The following DRC1 variants were observed in gnomAD, a reference collection of about 807,000 sequenced individuals.
DRC1 encodes dynein regulatory complex protein 1.
In DRC1, 74 loss-of-function variants were observed where a neutral mutation model predicts 98.7. The ratio of observed to expected loss-of-function variants is 0.75; its 90% CI spans 0.62 to 0.91. The LOEUF (loss-of-function observed/expected upper bound fraction) is 0.91. DRC1 is among the 40% of genes least tolerant of loss of function. The probability of loss-of-function intolerance (pLI) is 0.00; values close to 1 mark genes in which losing one functional copy is unlikely to be tolerated. For missense variants in DRC1, 875 were observed against 886.0 expected (o/e 0.99, Z 0.16); for synonymous variants, 336 against 334.1 (o/e 1.01, Z -0.06).
At chr2:26,432,276 C>T (rs980992120) in intron 7 of DRC1, among the ~76,000 whole-genome samples, 3 of 152,100 alleles carry the variant, frequency 2.0e-5, no homozygotes, top group Non-Finnish European at 2.9e-5. Flanking sequence ...GCATGAGGAT[C>T]GCTTGAGCCC....
chr2:26,423,287 A>T (rs1225737163), intron 3 of DRC1, among the ~76,000 whole-genome samples: 2 of 152,134 alleles, frequency 1.3e-5, no homozygotes, highest in Admixed American at 1.3e-4. Context: ...TTCTTGAAAT[A>T]AAAAAGTCAA....
intron 4 of DRC1, among the ~76,000 whole-genome samples, chr2:26,427,398 G>A (rs1663312880): frequency 6.6e-6 from 1 of 151,940 alleles, no homozygotes; most frequent in Non-Finnish European, 1.5e-5. Flanking sequence ...TTACAGTTGT[G>A]AGCCACCGCA....
chr2:26,414,270 C>A, intron 1 of DRC1, 74 bp from the exon 2 acceptor site: 2 of 1,509,368 alleles, frequency 1.3e-6, no homozygotes, highest in African/African-American at 1.4e-5. Flanking sequence ...AGCTACTGTG[C>A]CAGGCCAAAA....
chr2:26,453,764 A>G (rs1664071203), intron 14 of DRC1, among the ~76,000 whole-genome samples: 1 of 152,214 alleles, frequency 6.6e-6, no homozygotes, highest in South Asian at 2.1e-4. Context: ...TTCACTCATC[A>G]TTCATTCAGC....
At chr2:26,430,998 G>C (rs1663422447) in intron 6 of DRC1, 126 bp downstream of exon 6, 2 of 786,066 alleles carry the variant, frequency 2.5e-6, no homozygotes, top group African/African-American at 4.6e-5. Flanking sequence ...TCTTGCTTCT[G>C]TCACCAGGTT....
Position 26,429,744 on chromosome 2 carries a change from T to C in DRC1, c.657T>C (p.Arg219=). 1 of 1,614,084 alleles carries C rather than the reference T, an allele frequency of 6.2e-7. No individual in the cohort carries two copies. The highest frequency in any genetic ancestry group is 8.5e-7 in the Non-Finnish European group (1 of 1,180,000). ...EQVKNVMKTF[R]EELYNIEKAF... The stretch of plus-strand genomic sequence containing the variant: ...TGAAGAATGTGATGAAAACCTTTCG[T>C]GAGGAGCTCTATAACATTGAGGTAA... Residue 219 remains arginine (R), a synonymous_variant, in exon 5 of 17, where the codon CGT becomes CGC. Coordinates refer to ENST00000288710, the MANE Select transcript of DRC1 (RefSeq NM_145038.5).
At chr2:26,422,024 G>T (rs1280834452) in intron 3 of DRC1, among the ~76,000 whole-genome samples, 1 of 152,220 alleles carries the variant, frequency 6.6e-6, no homozygotes, top group Non-Finnish European at 1.5e-5. Context: ...TAGATAATGT[G>T]TAAAGGGTTG....
intron 1 of DRC1, among the ~76,000 whole-genome samples, chr2:26,403,902 C>T (rs1396241326): frequency 5.3e-5 from 8 of 151,830 alleles, no homozygotes; most frequent in African/African-American, 1.5e-4. Flanking sequence ...GAGTTTGAGA[C>T]CAGCCTGACC....
intron 7 of DRC1, 51 bp from the exon 8 acceptor site, chr2:26,440,319 TTGTGTGTG>T (rs138497746): frequency 2.0e-5 from 25 of 1,267,880 alleles, no homozygotes; most frequent in African/African-American, 1.1e-4. Flanking sequence ...GTTAGTGTGT[TTGTGTGTG>T]TGTGTGTGTG....
intron 5 of DRC1, 80 bp downstream of exon 5, chr2:26,429,845 G>C: frequency 6.8e-7 from 1 of 1,479,690 alleles, no homozygotes; most frequent in Non-Finnish European, 9.2e-7. Context: ...AATAATCTAA[G>C]GAGGGCCCTA....
At position 26,454,216 on chromosome 2, in the gene DRC1, G is replaced by A. The variant is rs1012496159; in HGVS notation, c.1920-431G>A. Among the ~76,000 whole-genome samples, 57 of 152,170 alleles carry A rather than the reference G, an allele frequency of 3.7e-4. No homozygotes were observed. The highest frequency in any genetic ancestry group is 1.2e-3 in the African/African-American group (50 of 41,452). On this transcript the variant is annotated intron_variant, in intron 14 of 16. Coordinates refer to ENST00000288710, the MANE Select transcript of DRC1 (RefSeq NM_145038.5). The surrounding 1 kb of genome is among the most constrained non-coding windows in gnomAD (Gnocchi z 5.2). ...TGCGTTTTAGAGAGATCATTGTGGC[G>A]TCAGGGAAGGGGCGAAGCTGGATAC...
At chr2:26,430,712 T>A (rs1385512548) in intron 5 of DRC1, 74 bp from the exon 6 acceptor site, 1 of 1,498,478 alleles carries the variant, frequency 6.7e-7, no homozygotes, top group African/African-American at 1.4e-5. Context: ...TATAGTTACC[T>A]GAAAGTTCTT....
chr2:26,446,625 CT>C (rs910445963), intron 10 of DRC1, among the ~76,000 whole-genome samples: 5 of 152,168 alleles, frequency 3.3e-5, no homozygotes, highest in Non-Finnish European at 7.3e-5. Flanking sequence ...TGCTCAGTGA[CT>C]TCAAAATAAT....
At chr2:26,429,825 G>C (rs1263727650) in intron 5 of DRC1, 60 bp downstream of exon 5, 1 of 1,581,300 alleles carries the variant, frequency 6.3e-7, no homozygotes, top group Non-Finnish European at 8.6e-7. Flanking sequence ...AGGAGGTCTA[G>C]GTCTGTCCTA....
chr2:26,455,982 G>T (rs1664154573), intron 16 of DRC1, among the ~76,000 whole-genome samples: 1 of 152,234 alleles, frequency 6.6e-6, no homozygotes, highest in Non-Finnish European at 1.5e-5. Flanking sequence ...AGCCACAGGG[G>T]CTGCGTGGCC....
At chr2:26,405,484 A>G (rs1359599857) in intron 1 of DRC1, among the ~76,000 whole-genome samples, 2 of 152,164 alleles carry the variant, frequency 1.3e-5, no homozygotes, top group Non-Finnish European at 2.9e-5. Flanking sequence ...GAAACAAGCA[A>G]TGAGCAAATA....
chr2:26,403,875 C>T (rs529060797), intron 1 of DRC1, among the ~76,000 whole-genome samples: 9 of 149,270 alleles, frequency 6.0e-5, no homozygotes, highest in East Asian at 2.0e-4. Context: ...CTGAGGCGGG[C>T]GGGATCACGA....
chr2:26,434,333 G>T (rs765345125), intron 7 of DRC1, among the ~76,000 whole-genome samples: 2 of 152,146 alleles, frequency 1.3e-5, no homozygotes, highest in South Asian at 2.1e-4. Flanking sequence ...ACTCCCTACC[G>T]CTGCCCACCA....
intron 10 of DRC1, 94 bp downstream of exon 10, chr2:26,445,042 G>C: frequency 7.7e-7 from 1 of 1,294,144 alleles, no homozygotes; most frequent in African/African-American, 1.5e-5. Context: ...CTAGGGAGGA[G>C]GGGGAAGAGT....
Sources: allele counts gnomAD v4.1 joint callset (sites outside exome capture counted in the v4.1 genomes callset), GRCh38; gene constraint gnomAD v4.1.1; non-coding constraint Gnocchi (gnomAD v3.1); transcripts MANE v1.5; gene names NCBI Gene and HGNC (gene_info 2026-07-23, HGNC 2026-07-21).